The following TXNRD2 variants were observed in gnomAD, a reference collection of about 807,000 sequenced individuals.
TXNRD2 encodes thioredoxin reductase 2, mitochondrial.
In TXNRD2, 67 loss-of-function variants were observed where a neutral mutation model predicts 70.8. The observed-to-expected ratio is 0.95, with a 90% CI of 0.78 to 1.16. TXNRD2 has a LOEUF of 1.16. Ranked by LOEUF, TXNRD2 falls within the 50% of genes most tolerant of loss-of-function variation. The probability of loss-of-function intolerance (pLI) is 0.00; values close to 1 mark genes in which losing one functional copy is unlikely to be tolerated. For synonymous variants in TXNRD2, 301 were observed against 295.8 expected, an observed-to-expected ratio of 1.02 and a Z score of -0.18; for missense variants, 644 against 719.9, an observed-to-expected ratio of 0.89 and a Z score of 1.21.
At chr22:19,908,895 A>G (rs952548224) in intron 8 of TXNRD2, among the ~76,000 whole-genome samples, 14 of 152,200 alleles carry the variant, frequency 9.2e-5, no homozygotes, top group Admixed American at 9.2e-4. Context: ...AATACCATTG[A>G]ACTGTATACT....
At chr22:19,941,117 A>C (rs1941697094) in intron 1 of TXNRD2, among the ~76,000 whole-genome samples, 2 of 152,136 alleles carry the variant, frequency 1.3e-5, no homozygotes, top group Admixed American at 1.3e-4. Context: ...AACTGGCCAC[A>C]CATAACAGAT....
intron 5 of TXNRD2, 131 bp downstream of exon 5, chr22:19,918,012 C>A (rs1940712454): frequency 1.0e-5 from 8 of 779,374 alleles, no homozygotes; most frequent in African/African-American, 1.7e-5. Context: ...CTCATCCCCA[C>A]CCATGAGCAG....
intron 5 of TXNRD2, 41 bp downstream of exon 5, chr22:19,918,102 A>T (rs1217954309): frequency 6.4e-7 from 1 of 1,561,960 alleles, no homozygotes; most frequent in South Asian, 1.1e-5. Flanking sequence ...GCCCAAGAGA[A>T]GGCCCAGAGG....
At chr22:19,929,439 A>G (rs1235026389) in intron 2 of TXNRD2, among the ~76,000 whole-genome samples, 1 of 152,092 alleles carries the variant, frequency 6.6e-6, no homozygotes, top group African/African-American at 2.4e-5. Flanking sequence ...TTGAGGTTGC[A>G]GTGAGCTGAG....
intron 2 of TXNRD2, among the ~76,000 whole-genome samples, chr22:19,920,709 C>T (rs576832638): frequency 6.6e-6 from 1 of 152,302 alleles, no homozygotes; most frequent in African/African-American, 2.4e-5. Flanking sequence ...CCAAGGCACA[C>T]ACAAATCTCA....
chr22:19,930,510 A>G (rs971787129), intron 2 of TXNRD2, among the ~76,000 whole-genome samples: 2 of 152,048 alleles, frequency 1.3e-5, no homozygotes, highest in South Asian at 4.1e-4. Context: ...TCTTTACTCA[A>G]TGGGTGCCAG....
Position 19,880,852 on chromosome 22 carries a change from G to A in TXNRD2, c.1087-135C>T, listed in dbSNP as rs377580254. On this transcript the variant is annotated intron_variant, in intron 12 of 17. Transcript: ENST00000400521. ...CAACACTGGCACCGAGCATGGTGAC[G>A]TACAGCATTCCCCCTAGAGCTCGTC... The A allele has an allele frequency of 6.7e-5, 44 of 659,844 alleles. 1 individual carries two copies. Among genetic ancestry groups the A allele is most frequent in the African/African-American group, 3.2e-4 (18 of 56,110 alleles). The allele number at this position is 659,844 out of a possible 1,614,324, so 40.9% of individuals were successfully genotyped here. A position where few individuals can be genotyped will look rare whatever the true frequency, so the allele number is the denominator to read the frequency against.
chr22:19,892,329 C>T (rs1362790667), intron 11 of TXNRD2, among the ~76,000 whole-genome samples: 1 of 152,258 alleles, frequency 6.6e-6, no homozygotes, highest in Non-Finnish European at 1.5e-5. Flanking sequence ...TGAGCAGCAG[C>T]GAAGTCAGCA....
At chr22:19,916,381 G>A in intron 5 of TXNRD2, 1 of 166,168 alleles carries the variant, frequency 6.0e-6, no homozygotes. Context: ...CCAGGCTGGA[G>A]TTCAGTGGCA....
chr22:19,906,287 G>A (rs1940009332), intron 8 of TXNRD2, among the ~76,000 whole-genome samples: 1 of 152,164 alleles, frequency 6.6e-6, no homozygotes, highest in South Asian at 2.1e-4. Flanking sequence ...ACTGATCACA[G>A]CAAATGCAAA....
At chr22:19,924,832 G>T (rs1569107636) in intron 2 of TXNRD2, among the ~76,000 whole-genome samples, 1 of 152,096 alleles carries the variant, frequency 6.6e-6, no homozygotes, top group Non-Finnish European at 1.5e-5. Flanking sequence ...CATGTGAGGG[G>T]AAGAAGGAGG....
Position 19,895,520 on chromosome 22 carries a change from C to T in TXNRD2, c.836G>A (p.Cys279Tyr), listed in dbSNP as rs754892429. Residue 279 changes from cysteine (C) to tyrosine (Y), a missense_variant, in exon 11 of 18, where the codon TGT (cysteine) becomes TAT (tyrosine). By Grantham distance (194) the Cys-to-Tyr change is radical. Around this residue, in one of 3 missense-constraint regions of TXNRD2, gnomAD observed 566 missense variants for 645.0 expected, o/e 0.88. Transcript: ENST00000400521. ...GAGCCTCCTGACCCGCGAGGGGGCA[C>T]AGCCCCTCAGGAACCGGGTGCCATG... is the stretch of plus-strand genomic sequence containing the variant. The part of the protein sequence containing the change: ...ASHGTRFLRG[C>Y]APSRVRRLPD... 6.2e-7 allele frequency: 1 copy of T among 1,613,808 alleles called. No individual in the cohort carries two copies. The highest frequency in any genetic ancestry group is 8.5e-7 in the Non-Finnish European group (1 of 1,180,032).
Position 19,941,733 on chromosome 22 carries a change from C to CCCGCCACGGCCTGCGT in TXNRD2, c.55_70dup (p.Gly24AspfsTer23). The CCCGCCACGGCCTGCGT allele has an allele frequency of 6.0e-6, 9 of 1,490,722 alleles. No individual in the cohort carries two copies. Among genetic ancestry groups the CCCGCCACGGCCTGCGT allele is most frequent in the East Asian group, 2.8e-5 (1 of 35,744 alleles). 92.3% of individuals were successfully genotyped at this position (1,490,722 alleles called of 1,614,324 possible). On this transcript the variant is annotated frameshift_variant, in exon 1 of 18. Coordinates refer to ENST00000400521, the MANE Select transcript of TXNRD2 (RefSeq NM_006440.5). LOFTEE classifies it high-confidence loss of function. ...GCCCCGCGCCGCGCCCCGCACCCCG[C>CCCGCCACGGCCTGCGT]CCGCCACGGCCTGCGTCCGCCACCG...
intron 10 of TXNRD2, among the ~76,000 whole-genome samples, chr22:19,896,876 C>T (rs1271279137): frequency 6.6e-6 from 1 of 152,170 alleles, no homozygotes; most frequent in Admixed American, 6.5e-5. Context: ...CACTCCTGCA[C>T]CCCTCCAGAG....
intron 8 of TXNRD2, among the ~76,000 whole-genome samples, chr22:19,900,290 G>T (rs56751524): frequency 0.033 from 5,069 of 152,168 alleles, 117 homozygotes; most frequent in South Asian, 0.088. Flanking sequence ...GCTCAGGGCC[G>T]GCAACACTTG....
chr22:19,902,372 A>C (rs1177244786), intron 8 of TXNRD2, among the ~76,000 whole-genome samples: 1 of 152,188 alleles, frequency 6.6e-6, no homozygotes, highest in African/African-American at 2.4e-5. Context: ...CAAAAGCATT[A>C]ATTCAGGCCC....
At chr22:19,930,365 C>T (rs1459440683) in intron 2 of TXNRD2, among the ~76,000 whole-genome samples, 1 of 152,116 alleles carries the variant, frequency 6.6e-6, no homozygotes, top group Admixed American at 6.6e-5. Context: ...TAGACATGGC[C>T]AGAGCAGACC....
chr22:19,929,810 G>A (rs1457229063), intron 2 of TXNRD2, among the ~76,000 whole-genome samples: 2 of 105,520 alleles, frequency 1.9e-5, no homozygotes, highest in Non-Finnish European at 4.1e-5. Context: ...ATGGACACAT[G>A]CACACATAAG....
In TXNRD2 at chr22:19,878,073, C is replaced by T. The variant is rs777255540; in HGVS notation, c.1445+17G>A. 1 of 1,608,614 alleles carries T rather than the reference C, an allele frequency of 6.2e-7. No individual in the cohort carries two copies. Among genetic ancestry groups the T allele is most frequent in the South Asian group, 1.1e-5 (1 of 90,744 alleles). ...CAGCTGCACATCGCATCGCAGCCTG[C>T]ATTCCTCGGGACTTACTTGATCCCC... is the stretch of plus-strand genomic sequence containing the variant. On this transcript the variant is annotated intron_variant, in intron 16 of 17. Coordinates refer to ENST00000400521, the MANE Select transcript of TXNRD2 (RefSeq NM_006440.5).
Sources: allele counts gnomAD v4.1 joint callset (sites outside exome capture counted in the v4.1 genomes callset), GRCh38; gene constraint gnomAD v4.1.1; regional missense constraint gnomAD v4.1.1; transcripts MANE v1.5; gene names NCBI Gene and HGNC (gene_info 2026-07-23, HGNC 2026-07-21).